The following GLB1 variants were observed in gnomAD, a reference collection of about 807,000 sequenced individuals.
The protein encoded by GLB1 is galactosidase beta 1.
A neutral mutation model predicts 74.0 loss-of-function variants in GLB1; 56 were observed. That is an observed-to-expected ratio of 0.76 (90% CI 0.61 to 0.94). The LOEUF is 0.94. Ranked by LOEUF, GLB1 falls within the 40% of genes least tolerant of loss-of-function variation. The probability of loss-of-function intolerance (pLI) is 0.00; values close to 1 mark genes in which losing one functional copy is unlikely to be tolerated. For synonymous variants in GLB1, 323 were observed against 323.6 expected, an observed-to-expected ratio of 1.00 and a Z score of 0.02; for missense variants, 787 against 845.5, an observed-to-expected ratio of 0.93 and a Z score of 0.86.
chr3:33,055,140 C>G (rs1389244671), intron 6 of GLB1, among the ~76,000 whole-genome samples: 1 of 152,246 alleles, frequency 6.6e-6, no homozygotes, highest in Non-Finnish European at 1.5e-5. Context: ...GGCAATGCCC[C>G]TCTCCCACAC....
At chr3:32,993,783 G>A (rs1407278966), downstream of GLB1, among the ~76,000 whole-genome samples, 1 of 151,810 alleles carries the variant, frequency 6.6e-6, no homozygotes, top group Non-Finnish European at 1.5e-5. Flanking sequence ...TGATCCACCT[G>A]CCTCAGCCCA....
rs73828764 is a variant in GLB1, at chr3:33,071,406, G to C, written c.245+1138C>G. Among the ~76,000 whole-genome samples, 704 of 152,316 alleles carry C rather than the reference G, an allele frequency of 4.6e-3. 7 individuals are homozygous for C. Among genetic ancestry groups the C allele is most frequent in the African/African-American group, 0.016 (664 of 41,552 alleles). ...AGCACTGCAAGAGCCAGAGCAGCCA[G>C]CCACACCAACTTTCTTGCCTGTTAG... On this transcript the variant is annotated intron_variant, in intron 2 of 15. Transcript: ENST00000307363.
At chr3:32,979,870 A>AAAG in the GLB1 span, among the ~76,000 whole-genome samples, 5 of 137,314 alleles carry the variant, frequency 3.6e-5, no homozygotes, top group African/African-American at 5.4e-5. Context: ...AAAAAAAAAA[A>AAAG]AAAAAAAAGA....
chr3:33,016,961 A>C, intron 13 of GLB1, 121 bp from the exon 14 acceptor site: 2 of 1,488,548 alleles, frequency 1.3e-6, no homozygotes, highest in Non-Finnish European at 1.8e-6. Context: ...AGACTTGGAA[A>C]GAAATGCTTT....
intron 15 of GLB1, among the ~76,000 whole-genome samples, chr3:33,005,119 C>T (rs1696734717): frequency 6.6e-6 from 1 of 152,076 alleles, no homozygotes; most frequent in Non-Finnish European, 1.5e-5. Flanking sequence ...ACTGCAGGTG[C>T]CATCATGCCC....
At chr3:33,047,007 C>T (rs1457484123) in intron 9 of GLB1, among the ~76,000 whole-genome samples, 4 of 152,170 alleles carry the variant, frequency 2.6e-5, no homozygotes, top group Non-Finnish European at 5.9e-5. Flanking sequence ...GACCAATGTG[C>T]CTCGAACAGC....
intron 9 of GLB1, among the ~76,000 whole-genome samples, chr3:33,046,588 TA>T (rs1406993072): frequency 6.6e-6 from 1 of 152,130 alleles, no homozygotes; most frequent in African/African-American, 2.4e-5. Context: ...GGGCTTATGA[TA>T]TGACCCCCAT....
At chr3:33,041,354 A>C (rs1261477822) in intron 10 of GLB1, among the ~76,000 whole-genome samples, 1 of 152,198 alleles carries the variant, frequency 6.6e-6, no homozygotes, top group Non-Finnish European at 1.5e-5. Context: ...AGAGAAAACT[A>C]TCAGTTTAGA....
At chr3:33,077,194 G>A (rs1221623702) in intron 1 of GLB1, 4 of 1,494,724 alleles carry the variant, frequency 2.7e-6, no homozygotes, top group South Asian at 1.2e-5. Context: ...CTGAGACTTA[G>A]GCGCTTGCCG....
rs1559412918 is a variant in GLB1, at chr3:33,074,381, G to GAAAGAAAGA, written c.76-1669_76-1668insTCTTTCTTT. Among the ~76,000 whole-genome samples, 107 of 9,492 alleles carry GAAAGAAAGA rather than the reference G, an allele frequency of 0.011. 12 individuals carry two copies. In the South Asian group the frequency reaches 0.29, roughly 25 times the overall value. 6.2% of individuals were successfully genotyped at this position (9,492 alleles called of 152,430 possible). ...GGAAGGAAGGAAGGAAGGAAGGAAG[G>GAAAGAAAGA]AAGGAAGGAAGAAAGAAAGAAAGAA... On this transcript the variant is annotated intron_variant, in intron 1 of 15. Transcript: ENST00000307363.
intron 15 of GLB1, among the ~76,000 whole-genome samples, chr3:33,003,962 G>A (rs774116188): frequency 1.3e-5 from 2 of 152,074 alleles, no homozygotes; most frequent in Non-Finnish European, 2.9e-5. Context: ...CCTGGGAGGC[G>A]GAGGTTGCAA....
intron 7 of GLB1, 41 bp from the exon 8 acceptor site, chr3:33,052,045 G>T: frequency 6.2e-7 from 1 of 1,609,584 alleles, no homozygotes; most frequent in South Asian, 1.1e-5. Context: ...ATAGACTTAT[G>T]ACCTTCCAAT....
chr3:33,049,785 C>G (rs1698900937), intron 9 of GLB1, among the ~76,000 whole-genome samples: 1 of 152,144 alleles, frequency 6.6e-6, no homozygotes, highest in African/African-American at 2.4e-5. Context: ...CCTCACCCAC[C>G]CAGACACGCC....
chr3:33,047,560 G>A (rs1698792567), intron 9 of GLB1, among the ~76,000 whole-genome samples: 1 of 152,236 alleles, frequency 6.6e-6, no homozygotes, highest in Admixed American at 6.5e-5. Context: ...CAATGCAAGT[G>A]TGTGAGAATG....
chr3:33,045,440 C>G lies in GLB1; in HGVS notation c.1068+680G>C, dbSNP rs1479961132. ...AAGAAATAGTGTCCAGGTTCAAAAT[C>G]TGGTGTTCCTCATTCTGAAATCACA... is the stretch of plus-strand genomic sequence containing the variant. On this transcript the variant is annotated intron_variant, in intron 10 of 15. Transcript: ENST00000307363. 3.0e-6 allele frequency: 3 copies of G among 985,240 alleles called. No homozygotes were observed. The East Asian group carries it at 3.4e-4, about 112-fold the overall frequency. The allele number at this position is 985,240 out of a possible 1,614,324, so 61.0% of individuals were successfully genotyped here. A position where few individuals can be genotyped will look rare whatever the true frequency, so the allele number is the denominator to read the frequency against.
intron 9 of GLB1, among the ~76,000 whole-genome samples, chr3:33,048,411 A>C (rs533206151): frequency 6.6e-6 from 1 of 152,158 alleles, no homozygotes; most frequent in Admixed American, 6.5e-5. Context: ...AAATGGTGAG[A>C]CTTTGCATTC....
intron 1 of GLB1, chr3:33,091,090 G>A (rs921103323): frequency 1.0e-6 from 1 of 985,290 alleles, no homozygotes; most frequent in Admixed American, 6.2e-5. Context: ...AGCCCACCTG[G>A]TGAAATCCAA....
intron 1 of GLB1, chr3:33,092,223 G>C (rs929128988): frequency 3.0e-6 from 3 of 985,600 alleles, no homozygotes; most frequent in South Asian, 9.4e-5. Context: ...TCAAGGCCTG[G>C]AACAGGAGGA....
the GLB1 span, among the ~76,000 whole-genome samples, chr3:32,967,726 G>C: frequency 6.6e-6 from 1 of 152,266 alleles, no homozygotes; most frequent in South Asian, 2.1e-4. Flanking sequence ...CAGATTTACT[G>C]TCTCCTTTGT....
Sources: gnomAD v4.1 joint callset for allele counts (sites outside exome capture counted in the v4.1 genomes callset) on GRCh38, gnomAD v4.1.1 for gene constraint, MANE v1.5 for transcripts, NCBI Gene and HGNC (gene_info 2026-07-23, HGNC 2026-07-21) for gene names.